Variants in CIMIP1 observed in about 807,000 individuals in gnomAD.
CIMIP1 encodes the protein ciliary microtubule inner protein 1.
At chr20:58,158,392 T>C in the CIMIP1 span, among the ~76,000 whole-genome samples, 2 of 152,242 alleles carry the variant, frequency 1.3e-5, no homozygotes, top group Admixed American at 6.5e-5. Context: ...GGCTCAAGCC[T>C]GTGATCCCAG....
At chr20:58,159,371 C>G in the CIMIP1 span, among the ~76,000 whole-genome samples, 2 of 151,890 alleles carry the variant, frequency 1.3e-5, no homozygotes, top group South Asian at 4.2e-4. Context: ...CAAAAATTAG[C>G]TGGGCATGAT....
At chr20:58,159,103 G>A in the CIMIP1 span, among the ~76,000 whole-genome samples, 2 of 151,090 alleles carry the variant, frequency 1.3e-5, no homozygotes, top group Non-Finnish European at 1.5e-5. Flanking sequence ...GTGTGTACCT[G>A]TGTAGCTATC....
the CIMIP1 span, chr20:58,155,358 G>A: frequency 1.2e-6 from 1 of 814,408 alleles, no homozygotes; most frequent in Non-Finnish European, 2.0e-6. Flanking sequence ...AAGCAATGGG[G>A]AGGACACTCC....
chr20:58,161,132 AT>A, the CIMIP1 span: 2 of 209,708 alleles, frequency 9.5e-6, no homozygotes, highest in Non-Finnish European at 1.9e-5. Context: ...TTTTAAAAAT[AT>A]TTGTCTAGGT....
At chr20:58,150,903 G>T in the CIMIP1 span, 1 of 1,520,184 alleles carries the variant, frequency 6.6e-7, no homozygotes. Flanking sequence ...CGGTCTCCCA[G>T]GAGACGCGAG....
At chr20:58,161,101 A>G in the CIMIP1 span, 1 of 237,866 alleles carries the variant, frequency 4.2e-6, no homozygotes, top group Non-Finnish European at 8.0e-6. Flanking sequence ...GCAGGGCTTT[A>G]AAAAAAAATA....
At chr20:58,150,903 G>A in the CIMIP1 span, 2 of 1,520,064 alleles carry the variant, frequency 1.3e-6, no homozygotes. Flanking sequence ...CGGTCTCCCA[G>A]GAGACGCGAG....
the CIMIP1 span, among the ~76,000 whole-genome samples, chr20:58,159,421 A>G: frequency 2.0e-5 from 3 of 151,984 alleles, no homozygotes; most frequent in African/African-American, 7.2e-5. Flanking sequence ...GAGCTGAGGC[A>G]AGAGAATCAC....
the CIMIP1 span, among the ~76,000 whole-genome samples, chr20:58,151,564 C>T: frequency 6.6e-6 from 1 of 152,046 alleles, no homozygotes; most frequent in East Asian, 1.9e-4. Flanking sequence ...AGGCGCCCAC[C>T]ACCACACCCG....
chr20:58,159,067 G>A, the CIMIP1 span, among the ~76,000 whole-genome samples: 2 of 152,028 alleles, frequency 1.3e-5, no homozygotes, highest in East Asian at 1.9e-4. Context: ...AAACAGCTCC[G>A]CAAGGCATCC....
At chr20:58,160,723 G>A in the CIMIP1 span, 2 of 1,614,004 alleles carry the variant, frequency 1.2e-6, no homozygotes, top group African/African-American at 2.7e-5. Context: ...GATCTGCAGT[G>A]CCAGGCCTGA....
At chr20:58,158,452 C>T in the CIMIP1 span, among the ~76,000 whole-genome samples, 1 of 152,174 alleles carries the variant, frequency 6.6e-6, no homozygotes, top group Non-Finnish European at 1.5e-5. Flanking sequence ...AGATTGAGAC[C>T]ATCCTGGCTA....
the CIMIP1 span, chr20:58,150,910 C>T: frequency 9.1e-6 from 14 of 1,536,692 alleles, no homozygotes; most frequent in African/African-American, 6.8e-5. Flanking sequence ...CCAGGAGACG[C>T]GAGACGCTGA....
the CIMIP1 span, chr20:58,153,607 A>G: frequency 6.2e-7 from 1 of 1,613,438 alleles, no homozygotes; most frequent in Non-Finnish European, 8.5e-7. Context: ...GGGGGTTTTT[A>G]ACAACCCCTT....
chr20:58,156,973 C>CAATG, the CIMIP1 span, among the ~76,000 whole-genome samples: 5 of 152,048 alleles, frequency 3.3e-5, no homozygotes, highest in Non-Finnish European at 7.4e-5. Flanking sequence ...CTGTGAGCCC[C>CAATG]AATGAATGAA....
the CIMIP1 span, among the ~76,000 whole-genome samples, chr20:58,154,416 G>A: frequency 3.9e-5 from 6 of 152,196 alleles, no homozygotes; most frequent in Non-Finnish European, 7.3e-5. Context: ...GTTCTGGTGG[G>A]GTGGTGGCCA....
the CIMIP1 span, chr20:58,153,466 TG>T: frequency 9.1e-7 from 1 of 1,093,864 alleles, no homozygotes; most frequent in Non-Finnish European, 1.4e-6. Flanking sequence ...TCAATGTTCG[TG>T]GAGAATGGAA....
the CIMIP1 span, chr20:58,160,626 C>T: frequency 3.1e-5 from 49 of 1,597,260 alleles, no homozygotes; most frequent in South Asian, 5.6e-5. Flanking sequence ...TCTCTGTGGC[C>T]GAAGGTCACT....
chr20:58,152,599 G>A, the CIMIP1 span, among the ~76,000 whole-genome samples: 59 of 151,788 alleles, frequency 3.9e-4, no homozygotes, highest in East Asian at 0.011. Context: ...GCACACACCT[G>A]TAATCCCAGC....
Sources: allele counts gnomAD v4.1 joint callset (sites outside exome capture counted in the v4.1 genomes callset), GRCh38; gene constraint gnomAD v4.1.1; transcripts MANE v1.5; gene names NCBI Gene and HGNC (gene_info 2026-07-23, HGNC 2026-07-21).